Variants in UTS2B observed in about 807,000 individuals in gnomAD.
UTS2B encodes urotensin 2B, also known as urotensin-2B.
Under a neutral mutation model 19.2 loss-of-function variants are expected in UTS2B, and 21 were observed. The observed-to-expected ratio is 1.09, with a 90% CI of 0.78 to 1.58. The LOEUF (loss-of-function observed/expected upper bound fraction) is 1.58, where lower values mean the gene tolerates loss of function less well. Ranked by LOEUF, UTS2B falls within the 40% of genes most tolerant of loss-of-function variation. The pLI is 0.00. For missense variants in UTS2B, 138 were observed against 130.3 expected, an observed-to-expected ratio of 1.06 and a Z score of -0.29; for synonymous variants, 57 against 50.2, an observed-to-expected ratio of 1.14 and a Z score of -0.58.
At chr3:191,273,036 C>T (rs1281479029) in intron 8 of UTS2B, among the ~76,000 whole-genome samples, 9 of 151,544 alleles carry the variant, frequency 5.9e-5, no homozygotes, top group South Asian at 4.2e-4. Context: ...GGCTTGGTGG[C>T]GCCCACCTGT....
chr3:191,293,061 A>T (rs1173187634), intron 4 of UTS2B, among the ~76,000 whole-genome samples: 1 of 151,842 alleles, frequency 6.6e-6, no homozygotes. Context: ...TATAACATTG[A>T]TTAATTTTTG....
At chr3:191,343,169 TG>T in the UTS2B span, among the ~76,000 whole-genome samples, 3 of 152,218 alleles carry the variant, frequency 2.0e-5, no homozygotes, top group African/African-American at 7.2e-5. Context: ...TTGGTATCTG[TG>T]GGGGTGCTGG....
chr3:191,272,862 TAA>T (rs35248454), intron 8 of UTS2B, among the ~76,000 whole-genome samples: 52 of 118,190 alleles, frequency 4.4e-4, no homozygotes, highest in East Asian at 4.9e-4. Flanking sequence ...AAACTCCGTC[TAA>T]AAAAAAAAAA....
intron 2 of UTS2B, among the ~76,000 whole-genome samples, chr3:191,325,570 A>G (rs1717724756): frequency 6.6e-6 from 1 of 152,224 alleles, no homozygotes; most frequent in East Asian, 1.9e-4. Flanking sequence ...GAGCATGAAT[A>G]GGGTTGGGGA....
At chr3:191,312,100 C>G (rs958433752) in intron 3 of UTS2B, among the ~76,000 whole-genome samples, 3 of 149,886 alleles carry the variant, frequency 2.0e-5, no homozygotes, top group Admixed American at 6.7e-5. Context: ...TGCAGCGAGC[C>G]GAGGTTGCGC....
At chr3:191,329,434 G>A (rs1367427413) in intron 1 of UTS2B, 1 of 450,630 alleles carries the variant, frequency 2.2e-6, no homozygotes, top group Non-Finnish European at 3.9e-6. Context: ...TGGGGCCGGG[G>A]ACGCGGAGCA....
intron 3 of UTS2B, among the ~76,000 whole-genome samples, chr3:191,315,341 AG>A (rs947243007): frequency 6.6e-6 from 1 of 152,162 alleles, no homozygotes; most frequent in Admixed American, 6.5e-5. Context: ...AAACCCAAGG[AG>A]GGGGTTCTGT....
intron 4 of UTS2B, among the ~76,000 whole-genome samples, chr3:191,294,108 C>CA (rs1248963314): frequency 1.4e-5 from 2 of 143,984 alleles, no homozygotes; most frequent in Admixed American, 7.1e-5. Flanking sequence ...AAACCCATCT[C>CA]AAAAAAACAA....
intron 4 of UTS2B, among the ~76,000 whole-genome samples, chr3:191,299,581 C>T (rs966754609): frequency 5.9e-5 from 9 of 152,234 alleles, no homozygotes; most frequent in East Asian, 3.9e-4. Context: ...TAGAGATGTA[C>T]GGCAAAGCCT....
chr3:191,329,707 G>A lies in UTS2B; in HGVS notation c.-665+707C>T, dbSNP rs376222034. ...AAGTCAGCATCGACCAGTCCAAGCT[G>A]CCTGGAGTCAAGGAAGGTAAGGGCC... On this transcript the variant is annotated intron_variant, in intron 1 of 8. Coordinates refer to ENST00000340524, the MANE Select transcript of UTS2B (RefSeq NM_198152.5). 2.5e-6 allele frequency: 4 copies of A among 1,610,392 alleles called. No homozygotes were observed. In the African/African-American group the frequency reaches 5.3e-5, roughly 22 times the overall value.
intron 3 of UTS2B, among the ~76,000 whole-genome samples, chr3:191,313,172 T>A (rs1323617923): frequency 2.6e-5 from 4 of 152,176 alleles, no homozygotes; most frequent in Admixed American, 2.6e-4. Flanking sequence ...TTTTTGTTTT[T>A]TTAGTAGAGA....
intron 3 of UTS2B, among the ~76,000 whole-genome samples, chr3:191,305,756 G>A (rs907651667): frequency 2.6e-5 from 4 of 152,072 alleles, no homozygotes; most frequent in Non-Finnish European, 5.9e-5. Context: ...TGTCCTGAAT[G>A]GTATTGCCTA....
intron 1 of UTS2B, among the ~76,000 whole-genome samples, chr3:191,329,948 G>GT (rs1166285974): frequency 1.4e-5 from 2 of 143,486 alleles, no homozygotes; most frequent in Non-Finnish European, 3.1e-5. Context: ...TGGTTGGGGG[G>GT]GGGGGGGGCT....
intron 2 of UTS2B, among the ~76,000 whole-genome samples, chr3:191,323,176 T>A (rs1412320517): frequency 2.9e-5 from 3 of 101,856 alleles, no homozygotes; most frequent in African/African-American, 1.5e-4. Flanking sequence ...TGAGACAGAC[T>A]CTCGCTGTCG....
chr3:191,294,955 T>G (rs1716818262), intron 4 of UTS2B, among the ~76,000 whole-genome samples: 1 of 151,896 alleles, frequency 6.6e-6, no homozygotes, highest in Admixed American at 6.6e-5. Flanking sequence ...CGCTTGATCC[T>G]GGGAGATTGA....
intron 3 of UTS2B, among the ~76,000 whole-genome samples, chr3:191,312,201 C>A (rs1717321487): frequency 6.6e-6 from 1 of 151,426 alleles, no homozygotes; most frequent in Non-Finnish European, 1.5e-5. Flanking sequence ...TAACCCTTCA[C>A]CAACGCCAGG....
At chr3:191,279,799 G>A (rs368569962) in intron 5 of UTS2B, among the ~76,000 whole-genome samples, 7 of 151,814 alleles carry the variant, frequency 4.6e-5, no homozygotes, top group African/African-American at 1.7e-4. Flanking sequence ...CTTTTCTCAA[G>A]GAATTTTAAA....
intron 2 of UTS2B, among the ~76,000 whole-genome samples, chr3:191,320,442 AC>A (rs1458786317): frequency 2.6e-5 from 4 of 152,248 alleles, no homozygotes; most frequent in African/African-American, 9.6e-5. Context: ...GATGCTAAGC[AC>A]TTTAGACTGA....
At chr3:191,280,733 C>G (rs923244478) in intron 5 of UTS2B, among the ~76,000 whole-genome samples, 3 of 152,076 alleles carry the variant, frequency 2.0e-5, no homozygotes, top group East Asian at 3.8e-4. Context: ...TTCTCTGTTT[C>G]ATATACACAT....
Sources: allele counts gnomAD v4.1 joint callset (sites outside exome capture counted in the v4.1 genomes callset), GRCh38; gene constraint gnomAD v4.1.1; transcripts MANE v1.5; gene names NCBI Gene and HGNC (gene_info 2026-07-23, HGNC 2026-07-21).